The following SORCS2 variants were observed in gnomAD, a reference collection of about 807,000 sequenced individuals.
SORCS2 encodes VPS10 domain-containing receptor SorCS2.
SORCS2 carries 100 observed loss-of-function variants against 141.6 expected under a neutral mutation model. The ratio of observed to expected loss-of-function variants is 0.71; its 90% CI spans 0.60 to 0.83. SORCS2 has a LOEUF of 0.83. Ranked by LOEUF, SORCS2 falls within the 40% of genes least tolerant of loss-of-function variation. The probability of loss-of-function intolerance (pLI) is 0.00; values close to 1 mark genes in which losing one functional copy is unlikely to be tolerated. For synonymous variants in SORCS2, 789 were observed against 676.9 expected, an observed-to-expected ratio of 1.17 and a Z score of -2.57; for missense variants, 1,646 against 1,560.2, an observed-to-expected ratio of 1.05 and a Z score of -0.93.
intron 2 of SORCS2, among the ~76,000 whole-genome samples, chr4:7,457,969 C>T (rs535400371): frequency 2.6e-5 from 4 of 152,262 alleles, no homozygotes; most frequent in South Asian, 4.1e-4. Context: ...ACTGTTAGCC[C>T]GAGAGGCCGT....
intron 5 of SORCS2, among the ~76,000 whole-genome samples, chr4:7,658,932 G>A (rs1248151689): frequency 6.6e-6 from 1 of 152,242 alleles, no homozygotes; most frequent in African/African-American, 2.4e-5. Context: ...TGCCCCCAAC[G>A]CTGAGTGGCC....
At chr4:7,715,483 C>T (rs549904604) in intron 17 of SORCS2, among the ~76,000 whole-genome samples, 172 bp downstream of exon 17, 10 of 152,296 alleles carry the variant, frequency 6.6e-5, no homozygotes, top group African/African-American at 2.4e-4. Flanking sequence ...AGCCTGGCTG[C>T]GGTGCTCATA....
chr4:7,552,779 T>G (rs1713811295), intron 3 of SORCS2, among the ~76,000 whole-genome samples: 1 of 152,100 alleles, frequency 6.6e-6, no homozygotes, highest in Non-Finnish European at 1.5e-5. Context: ...ACCCCTGAGC[T>G]CTGTATGAGC....
intron 1 of SORCS2, among the ~76,000 whole-genome samples, chr4:7,252,787 T>G (rs955566220): frequency 6.6e-6 from 1 of 152,232 alleles, no homozygotes; most frequent in African/African-American, 2.4e-5. Flanking sequence ...CAGATGAGGC[T>G]TCTAAAAATT....
chr4:7,313,011 G>T (rs1718290896), intron 1 of SORCS2, among the ~76,000 whole-genome samples: 1 of 152,240 alleles, frequency 6.6e-6, no homozygotes, highest in Non-Finnish European at 1.5e-5. Context: ...AGCATGTGTA[G>T]CTGGGCAGAG....
intron 26 of SORCS2, among the ~76,000 whole-genome samples, chr4:7,738,397 C>G (rs1313151045): frequency 2.0e-5 from 3 of 152,228 alleles, no homozygotes; most frequent in South Asian, 2.1e-4. Context: ...AAGACATGGA[C>G]TGTCCTTGCC....
intron 1 of SORCS2, among the ~76,000 whole-genome samples, chr4:7,335,387 C>T (rs992519135): frequency 4.6e-5 from 7 of 152,194 alleles, no homozygotes; most frequent in African/African-American, 1.7e-4. Flanking sequence ...GCTTTGATAA[C>T]CCAAACATTT....
intron 8 of SORCS2, among the ~76,000 whole-genome samples, chr4:7,674,760 C>G (rs1052999139): frequency 1.5e-4 from 22 of 150,730 alleles, no homozygotes; most frequent in African/African-American, 5.4e-4. Flanking sequence ...CCACTGAAAA[C>G]TGAGCTCCAC....
intron 3 of SORCS2, among the ~76,000 whole-genome samples, chr4:7,577,350 C>T (rs780033241): frequency 7.9e-5 from 12 of 152,300 alleles, no homozygotes; most frequent in Middle Eastern, 6.8e-3. Context: ...TCAGGTGATA[C>T]AGGTATAGTC....
At chr4:7,584,990 G>A (rs1476715872) in intron 3 of SORCS2, among the ~76,000 whole-genome samples, 9 of 152,152 alleles carry the variant, frequency 5.9e-5, no homozygotes, top group Admixed American at 2.6e-4. Flanking sequence ...GATTCCCGGC[G>A]TGACTGCATT....
intron 2 of SORCS2, among the ~76,000 whole-genome samples, chr4:7,465,572 C>T (rs1577610060): frequency 6.6e-6 from 1 of 152,296 alleles, no homozygotes. Context: ...TCTCCAGGGG[C>T]TTGTGCTGGA....
At chr4:7,452,532 C>T (rs1728529949) in intron 2 of SORCS2, among the ~76,000 whole-genome samples, 1 of 152,210 alleles carries the variant, frequency 6.6e-6, no homozygotes, top group African/African-American at 2.4e-5. Flanking sequence ...CCCCCAACTG[C>T]ATGCAGTTTT....
At chr4:7,333,950 T>C (rs1719820309) in intron 1 of SORCS2, among the ~76,000 whole-genome samples, 1 of 152,040 alleles carries the variant, frequency 6.6e-6, no homozygotes, top group Non-Finnish European at 1.5e-5. Flanking sequence ...CTCCCATCTC[T>C]GCCCCTTGGG....
At chr4:7,728,083 C>G (rs1251253401) in intron 21 of SORCS2, among the ~76,000 whole-genome samples, 2 of 152,236 alleles carry the variant, frequency 1.3e-5, no homozygotes, top group Non-Finnish European at 2.9e-5. Flanking sequence ...TTTGTCACTG[C>G]TGTTATGAGA....
intron 3 of SORCS2, among the ~76,000 whole-genome samples, chr4:7,561,765 ATCCATCTG>A (rs1254241423): frequency 6.6e-6 from 1 of 151,486 alleles, no homozygotes; most frequent in Non-Finnish European, 1.5e-5. Context: ...CTCTCCCTCA[ATCCATCTG>A]TCCATCTGTC....
At chr4:7,367,574 C>T (rs544373150) in intron 1 of SORCS2, among the ~76,000 whole-genome samples, 126 of 152,270 alleles carry the variant, frequency 8.3e-4, no homozygotes, top group African/African-American at 3.0e-3. Flanking sequence ...GCCAGGGTGC[C>T]GGCTCTTCTC....
At chr4:7,564,917 T>C (rs1174872181) in intron 3 of SORCS2, among the ~76,000 whole-genome samples, 1 of 152,234 alleles carries the variant, frequency 6.6e-6, no homozygotes, top group Non-Finnish European at 1.5e-5. Flanking sequence ...GGCTTACTTT[T>C]TCTGACCTCA....
intron 1 of SORCS2, among the ~76,000 whole-genome samples, chr4:7,308,791 C>G (rs1184127985): frequency 1.3e-5 from 2 of 152,066 alleles, no homozygotes. Flanking sequence ...CTCTCTAGCA[C>G]CCTGTCTTCT....
intron 3 of SORCS2, among the ~76,000 whole-genome samples, chr4:7,572,047 G>T (rs1715437233): frequency 6.6e-6 from 1 of 152,184 alleles, no homozygotes; most frequent in Admixed American, 6.5e-5. Flanking sequence ...GGGGGCAGCT[G>T]CTGGGTTTGA....
Sources: gnomAD v4.1 joint callset for allele counts (sites outside exome capture counted in the v4.1 genomes callset) on GRCh38, gnomAD v4.1.1 for gene constraint, MANE v1.5 for transcripts, NCBI Gene and HGNC (gene_info 2026-07-23, HGNC 2026-07-21) for gene names.